The following FOXP1 variants were observed in gnomAD, a reference collection of about 807,000 sequenced individuals.
FOXP1 encodes the protein forkhead box protein P1.
FOXP1 carries 15 observed loss-of-function variants against 98.2 expected under a neutral mutation model. The observed-to-expected ratio is 0.15, with a 90% CI of 0.10 to 0.24. The LOEUF (loss-of-function observed/expected upper bound fraction) is 0.24. FOXP1 is among the 10% of genes least tolerant of loss of function. The pLI, the probability that FOXP1 is intolerant of heterozygous loss-of-function variation, is 1.00. For synonymous variants in FOXP1, 371 were observed against 314.5 expected (o/e 1.18, Z -1.90); for missense variants, 633 against 848.5 (o/e 0.75, Z 3.15).
rs547178966 is a variant in FOXP1 at position 70,997,511 on chromosome 3, T to C, written c.1062+3461A>G. Reference sequence around the variant, plus strand: ...GGTTAAGGCTTCTCTTAACTGTGTCTCAGGGCAAGGGTTCTTTAAATACTA... The same window carrying C: ...GGTTAAGGCTTCTCTTAACTGTGTCCCAGGGCAAGGGTTCTTTAAATACTA... On this transcript the variant is annotated intron_variant, in intron 13 of 20. Transcript: ENST00000649528. Among the ~76,000 whole-genome samples the C allele has an allele frequency of 3.9e-5, 6 of 152,348 alleles. No individual in the cohort carries two copies. The South Asian group carries it at 1.0e-3, about 26-fold the overall frequency.
At chr3:71,414,324 C>T (rs879430593) in intron 3 of FOXP1, among the ~76,000 whole-genome samples, 24 of 152,218 alleles carry the variant, frequency 1.6e-4, no homozygotes, top group Non-Finnish European at 3.1e-4. Context: ...TGTGCCTCCA[C>T]ACCCAGCTCG....
At chr3:71,249,489 G>A (rs2068019698) in intron 5 of FOXP1, among the ~76,000 whole-genome samples, 1 of 152,188 alleles carries the variant, frequency 6.6e-6, no homozygotes, top group Non-Finnish European at 1.5e-5. Context: ...TTTTGAAAAT[G>A]AGGAGACTGA....
intron 4 of FOXP1, among the ~76,000 whole-genome samples, chr3:71,303,350 G>C (rs552512544): frequency 4.6e-5 from 7 of 152,286 alleles, no homozygotes; most frequent in African/African-American, 9.6e-5. Flanking sequence ...AAGCCCCTGG[G>C]TGGTGATGGG....
chr3:71,027,456 T>C (rs892438769), intron 11 of FOXP1, among the ~76,000 whole-genome samples: 18 of 152,366 alleles, frequency 1.2e-4, no homozygotes, highest in Non-Finnish European at 1.9e-4. Context: ...CACTTGCTTA[T>C]GTATTTCCTT....
At chr3:71,492,945 A>C (rs941727458) in intron 3 of FOXP1, among the ~76,000 whole-genome samples, 1 of 152,240 alleles carries the variant, frequency 6.6e-6, no homozygotes, top group Admixed American at 6.5e-5. Context: ...AGTCTTTCAA[A>C]AAATCTTTGA....
rs546427424 is a variant in FOXP1 at position 71,371,797 on chromosome 3, C to T, written c.-167-12553G>A. On this transcript the variant is annotated intron_variant, in intron 3 of 20. Coordinates refer to ENST00000649528, the MANE Select transcript of FOXP1 (RefSeq NM_001349338.3). ...GAGAACAAAACCCAGTCCTTCGCCC[C>T]GGTATACAGGGTCCTGCTGACCCCC... Among the ~76,000 whole-genome samples, 71 of 152,120 alleles carry T rather than the reference C, an allele frequency of 4.7e-4. No individual in the cohort carries two copies. In the South Asian group the frequency reaches 6.0e-3, roughly 13 times the overall value.
chr3:71,250,651 TG>T (rs1471470151), intron 5 of FOXP1, among the ~76,000 whole-genome samples: 3 of 152,230 alleles, frequency 2.0e-5, no homozygotes, highest in Non-Finnish European at 4.4e-5. Context: ...TTTTTTGCGT[TG>T]GGCGCAGTGG....
intron 7 of FOXP1, among the ~76,000 whole-genome samples, chr3:71,080,244 C>T (rs2054267625): frequency 1.3e-5 from 2 of 152,054 alleles, no homozygotes; most frequent in East Asian, 1.9e-4. Context: ...TGTTCCTCAG[C>T]AATATAATGG....
intron 6 of FOXP1, among the ~76,000 whole-genome samples, chr3:71,150,150 C>T (rs1423093744): frequency 6.6e-6 from 1 of 152,188 alleles, no homozygotes; most frequent in Non-Finnish European, 1.5e-5. Context: ...CTCTCCCCAC[C>T]CAATTTCCAA....
intron 4 of FOXP1, chr3:71,302,734 T>G (rs532541263): frequency 1.2e-4 from 18 of 152,238 alleles, no homozygotes; most frequent in Non-Finnish European, 2.5e-4. Flanking sequence ...ACAGTTAAGA[T>G]CCTGTGAACA....
intron 7 of FOXP1, among the ~76,000 whole-genome samples, chr3:71,073,101 T>TTG (rs572574042): frequency 7.3e-4 from 111 of 152,350 alleles, no homozygotes; most frequent in African/African-American, 2.6e-3. Flanking sequence ...AAATAAGGCA[T>TTG]TGTGTGTTTG....
intron 12 of FOXP1, among the ~76,000 whole-genome samples, chr3:71,004,788 T>C (rs2042561376): frequency 6.6e-6 from 1 of 152,160 alleles, no homozygotes; most frequent in Non-Finnish European, 1.5e-5. Context: ...GTTAAGCCGG[T>C]CATACGTGAC....
chr3:71,326,247 G>C (rs2075683864), intron 4 of FOXP1, among the ~76,000 whole-genome samples: 1 of 152,138 alleles, frequency 6.6e-6, no homozygotes, highest in Non-Finnish European at 1.5e-5. Context: ...TAAGATCAGT[G>C]CTGCAGTGCA....
intron 6 of FOXP1, among the ~76,000 whole-genome samples, chr3:71,129,377 T>C (rs1317884633): frequency 6.6e-6 from 1 of 152,210 alleles, no homozygotes; most frequent in Admixed American, 6.5e-5. Context: ...CATACAATTA[T>C]TTTATGTATC....
At chr3:71,508,522 G>T (rs1270811399) in intron 2 of FOXP1, among the ~76,000 whole-genome samples, 2 of 152,178 alleles carry the variant, frequency 1.3e-5, no homozygotes, top group Non-Finnish European at 2.9e-5. Context: ...GCCTCTGTGA[G>T]TTAGAAATAG....
chr3:71,080,770 T>C (rs1410067499), intron 7 of FOXP1, among the ~76,000 whole-genome samples: 1 of 152,180 alleles, frequency 6.6e-6, no homozygotes, highest in Non-Finnish European at 1.5e-5. Context: ...TCCTTCAGAA[T>C]CCAGCCTTCT....
intron 5 of FOXP1, among the ~76,000 whole-genome samples, chr3:71,285,475 A>G (rs1045515936): frequency 1.3e-5 from 2 of 152,196 alleles, no homozygotes. Flanking sequence ...AACGAGGAAG[A>G]AAAAGGAAGA....
In FOXP1 at chr3:71,168,798, T is replaced by G. The variant is rs537550864; in HGVS notation, c.180+29404A>C. Among the ~76,000 whole-genome samples, 11 of 152,388 alleles carry G rather than the reference T, an allele frequency of 7.2e-5. No homozygotes were observed. The South Asian group carries it at 1.4e-3, about 20-fold the overall frequency. The stretch of plus-strand genomic sequence containing the variant: ...CCCGTTTTTAGGCAAACATTTGCAC[T>G]GTTTAAAGTGATGAAGTACTTCTAT... On this transcript the variant is annotated intron_variant, in intron 6 of 20. Transcript: ENST00000649528.
chr3:71,139,778 G>A (rs1190852373), intron 6 of FOXP1, among the ~76,000 whole-genome samples: 2 of 152,162 alleles, frequency 1.3e-5, no homozygotes, highest in African/African-American at 4.8e-5. Flanking sequence ...TGCATTTACT[G>A]AAACAGACTC....
Sources: gnomAD v4.1 joint callset for allele counts (sites outside exome capture counted in the v4.1 genomes callset) on GRCh38, gnomAD v4.1.1 for gene constraint, MANE v1.5 for transcripts, NCBI Gene and HGNC (gene_info 2026-07-23, HGNC 2026-07-21) for gene names.